Variants in SLC17A6 observed in about 807,000 individuals in gnomAD.
SLC17A6 encodes the protein solute carrier family 17 member 6.
SLC17A6 carries 35 observed loss-of-function variants against 67.1 expected under a neutral mutation model. That is an observed-to-expected ratio of 0.52 (90% CI 0.40 to 0.69). SLC17A6 has a LOEUF of 0.69. Among genes scored for constraint, SLC17A6 ranks in the 30% least tolerant of loss-of-function variants. SLC17A6 has a pLI of 0.00. For synonymous variants in SLC17A6, 285 were observed against 252.3 expected (o/e 1.13, Z -1.23); for missense variants, 588 against 723.9 (o/e 0.81, Z 2.15).
At chr11:22,361,257 T>C (rs990870754) in intron 5 of SLC17A6, 5 of 274,856 alleles carry the variant, frequency 1.8e-5, no homozygotes, top group Admixed American at 1.0e-4. Flanking sequence ...AATACTCTTA[T>C]ACTGCAGTCC....
chr11:22,369,144 A>G (rs1220653887), intron 7 of SLC17A6, among the ~76,000 whole-genome samples: 3 of 152,008 alleles, frequency 2.0e-5, no homozygotes, highest in Non-Finnish European at 4.4e-5. Context: ...TTCCTCACCA[A>G]GCAGTATTTT....
intron 6 of SLC17A6, among the ~76,000 whole-genome samples, chr11:22,364,515 C>G (rs1856086992): frequency 6.6e-6 from 1 of 152,092 alleles, no homozygotes; most frequent in African/African-American, 2.4e-5. Context: ...TCTGTAAACA[C>G]TATATTATTC....
At chr11:22,371,293 C>T (rs763913659) in intron 8 of SLC17A6, among the ~76,000 whole-genome samples, 36 of 151,958 alleles carry the variant, frequency 2.4e-4, no homozygotes, top group Non-Finnish European at 3.7e-4. Flanking sequence ...CAGCTGGGCT[C>T]GCTATTCATA....
At chr11:22,367,555 T>C (rs1464444238) in intron 7 of SLC17A6, among the ~76,000 whole-genome samples, 1 of 152,184 alleles carries the variant, frequency 6.6e-6, no homozygotes. Context: ...TGGTGCCCAC[T>C]AGCTGCAGTT....
Position 22,340,243 on chromosome 11 carries a change from AT to A in SLC17A6, c.87-1284del, listed in dbSNP as rs1267524389. The stretch of plus-strand genomic sequence containing the variant: ...GCAATTACACGGTAGATTGGAAAAA[AT>A]ATCTGCAAATTGTAAACGGAAAGGC... On this transcript the variant is annotated intron_variant, in intron 1 of 11. Transcript: ENST00000263160. Among the ~76,000 whole-genome samples the A allele has an allele frequency of 5.3e-5, 8 of 152,230 alleles. No homozygotes were observed. In the East Asian group the frequency reaches 1.3e-3, roughly 26 times the overall value.
intron 3 of SLC17A6, among the ~76,000 whole-genome samples, chr11:22,358,503 A>G (rs1856015106): frequency 6.6e-6 from 1 of 152,024 alleles, no homozygotes; most frequent in Non-Finnish European, 1.5e-5. Flanking sequence ...AATTATTTGT[A>G]TTTTGTGTAG....
In SLC17A6 at chr11:22,378,343, G is replaced by A. The variant is rs1856255116; in HGVS notation, c.*603G>A. On this transcript the variant is annotated 3_prime_UTR_variant, in exon 12 of 12. Transcript: ENST00000263160. ...GCAGTGTTTTCTATGAAATGCTTGG[G>A]CACAAACACTTATTTCTGTGAAAGA... 6.6e-6 allele frequency: 1 copy of A among 152,604 alleles called. No homozygotes were observed. The highest frequency in any genetic ancestry group is 6.6e-5 in the Admixed American group (1 of 15,262). 9.5% of individuals were successfully genotyped at this position (152,604 alleles called of 1,614,324 possible).
At chr11:22,356,212 C>T (rs1855991703) in intron 3 of SLC17A6, among the ~76,000 whole-genome samples, 1 of 152,084 alleles carries the variant, frequency 6.6e-6, no homozygotes, top group Non-Finnish European at 1.5e-5. Context: ...CAGTAAATGA[C>T]CTGTAACTCT....
At chr11:22,357,623 C>T (rs1487269413) in intron 3 of SLC17A6, among the ~76,000 whole-genome samples, 1 of 152,158 alleles carries the variant, frequency 6.6e-6, no homozygotes, top group Non-Finnish European at 1.5e-5. Flanking sequence ...ATATTCATCT[C>T]TCACCAGCTT....
chr11:22,350,122 G>A (rs1855922288), intron 3 of SLC17A6, among the ~76,000 whole-genome samples: 1 of 152,086 alleles, frequency 6.6e-6, no homozygotes, highest in Non-Finnish European at 1.5e-5. Context: ...ATATGATTAG[G>A]AATTTCAAAG....
At chr11:22,352,671 A>G (rs539116944) in intron 3 of SLC17A6, among the ~76,000 whole-genome samples, 6 of 152,300 alleles carry the variant, frequency 3.9e-5, no homozygotes, top group South Asian at 2.1e-4. Flanking sequence ...GGAATGTACA[A>G]CCTCATGAGT....
chr11:22,369,445 A>G (rs1462709333), intron 7 of SLC17A6, among the ~76,000 whole-genome samples: 1 of 152,026 alleles, frequency 6.6e-6, no homozygotes, highest in Non-Finnish European at 1.5e-5. Flanking sequence ...TAGAACCTTG[A>G]ACTCCAGTGT....
In SLC17A6 at chr11:22,338,528, G is replaced by C; in HGVS notation, c.-6G>C. ...CTGGCAAGAACTGACAACAGTCTTT[G>C]CAAGAATGGAATCCGTAAAACAAAG... On this transcript the variant is annotated 5_prime_UTR_variant, in exon 1 of 12. Transcript: ENST00000263160. 1 of 1,607,628 alleles carries C rather than the reference G, an allele frequency of 6.2e-7. No individual in the cohort carries two copies. The highest frequency in any genetic ancestry group is 8.5e-7 in the Non-Finnish European group (1 of 1,174,526).
intron 7 of SLC17A6, 127 bp from the exon 8 acceptor site, chr11:22,369,912 A>G: frequency 1.3e-6 from 1 of 793,656 alleles, no homozygotes; most frequent in Non-Finnish European, 1.9e-6. Flanking sequence ...TTAATGCTTC[A>G]CTACATCTTC....
At chr11:22,376,814 G>A in intron 11 of SLC17A6, 142 bp downstream of exon 11, 2 of 813,146 alleles carry the variant, frequency 2.5e-6, no homozygotes, top group Non-Finnish European at 1.9e-6. Context: ...TATAAATGAG[G>A]CTCAGAATAC....
chr11:22,354,630 C>T (rs1855977766), intron 3 of SLC17A6, among the ~76,000 whole-genome samples: 1 of 152,108 alleles, frequency 6.6e-6, no homozygotes, highest in Non-Finnish European at 1.5e-5. Context: ...TTGCTGTTGG[C>T]ATTGTTAATG....
At chr11:22,344,532 G>A (rs1172966071) in intron 3 of SLC17A6, among the ~76,000 whole-genome samples, 2 of 152,148 alleles carry the variant, frequency 1.3e-5, no homozygotes, top group African/African-American at 4.8e-5. Flanking sequence ...AGGGTTTTGG[G>A]GCAGTGCTTT....
chr11:22,341,923 A>G (rs1462237191), intron 2 of SLC17A6, 143 bp downstream of exon 2: 11 of 1,239,926 alleles, frequency 8.9e-6, no homozygotes, highest in Non-Finnish European at 1.1e-5. Context: ...CTGCCGTTCT[A>G]GAATGGACCC....
chr11:22,354,258 G>A (rs2133865926), intron 3 of SLC17A6, among the ~76,000 whole-genome samples: 1 of 151,912 alleles, frequency 6.6e-6, no homozygotes, highest in African/African-American at 2.4e-5. Flanking sequence ...TAATTTTTGT[G>A]TTTTTAGTAC....
Sources: gnomAD v4.1 joint callset for allele counts (sites outside exome capture counted in the v4.1 genomes callset) on GRCh38, gnomAD v4.1.1 for gene constraint, MANE v1.5 for transcripts, NCBI Gene and HGNC (gene_info 2026-07-23, HGNC 2026-07-21) for gene names.